Variants in RNF138 observed in about 807,000 individuals in gnomAD.
The protein encoded by RNF138 is E3 ubiquitin-protein ligase RNF138.
In RNF138, 12 loss-of-function variants were observed where a neutral mutation model predicts 31.0. The observed-to-expected ratio is 0.39, with a 90% confidence interval of 0.25 to 0.63. RNF138 has a LOEUF of 0.63. Ranked by LOEUF, RNF138 falls within the 20% of genes least tolerant of loss-of-function variation. The pLI is 0.52. For missense variants in RNF138, 192 were observed against 300.1 expected (o/e 0.64, Z 2.66); for synonymous variants, 105 against 99.5 (o/e 1.06, Z -0.33).
At chr18:32,103,651 G>C (rs2144579370) in intron 2 of RNF138, among the ~76,000 whole-genome samples, 1 of 152,110 alleles carries the variant, frequency 6.6e-6, no homozygotes, top group African/African-American at 2.4e-5. Context: ...TTTTAGACAA[G>C]AGTACATGTT....
chr18:32,124,475 GTTTT>G (rs997577685), intron 5 of RNF138: 2 of 337,398 alleles, frequency 5.9e-6, no homozygotes, highest in African/African-American at 4.1e-5. Context: ...AGTCAGCTAG[GTTTT>G]TGTTTTTGTT....
chr18:32,126,662 T>C, intron 6 of RNF138, 31 bp from the exon 7 acceptor site: 1 of 1,238,822 alleles, frequency 8.1e-7, no homozygotes. Context: ...GTTTTTATTA[T>C]TTTTTGTTTA....
At position 32,130,593 on chromosome 18, in the gene RNF138, G is replaced by A. The variant is rs2040458106; in HGVS notation, c.*1406G>A. 6.6e-6 allele frequency: 1 copy of A among 152,484 alleles called. No homozygotes were observed. Among genetic ancestry groups the A allele is most frequent in the African/African-American group, 2.4e-5 (1 of 41,546 alleles). The allele number at this position is 152,484 out of a possible 1,614,324, so 9.4% of individuals were successfully genotyped here. The stretch of plus-strand genomic sequence containing the variant: ...TAAAAGAAAGAGAATCTCAGAAGTA[G>A]TTTGCTGCTAATATATACATATATT... On this transcript the variant is annotated 3_prime_UTR_variant, in exon 8 of 8. Coordinates refer to ENST00000261593, the MANE Select transcript of RNF138 (RefSeq NM_016271.5).
chr18:32,121,482 C>T (rs774325915), intron 4 of RNF138, among the ~76,000 whole-genome samples: 9 of 151,992 alleles, frequency 5.9e-5, no homozygotes, highest in Non-Finnish European at 1.0e-4. Flanking sequence ...GCAATAAGAG[C>T]GAAACTCCAT....
rs368472041 is a variant in RNF138 at position 32,123,511 on chromosome 18, T to G, written c.393-7T>G. The G allele has an allele frequency of 1.5e-5, 23 of 1,569,444 alleles. No individual in the cohort carries two copies. In the African/African-American group the frequency reaches 1.9e-4, roughly 13 times the overall value. ...AGGTATTAACTTTTTCCCCTGTGCT[T>G]CTTAAGCAATAGGAGTGAAACATCC... On this transcript the variant is annotated splice_region_variant and splice_polypyrimidine_tract_variant and intron_variant, in intron 4 of 7. Transcript: ENST00000261593.
chr18:32,109,394 A>T (rs575094049), intron 2 of RNF138: 3 of 152,186 alleles, frequency 2.0e-5, no homozygotes, highest in African/African-American at 7.3e-5. Flanking sequence ...CAGCCTCTCA[A>T]AGTGCAGGAT....
chr18:32,124,434 T>G, intron 5 of RNF138: 1 of 230,626 alleles, frequency 4.3e-6, no homozygotes, highest in Non-Finnish European at 8.6e-6. Context: ...ACAACTACAA[T>G]TAAGTTTGGA....
intron 6 of RNF138, among the ~76,000 whole-genome samples, chr18:32,126,472 T>A (rs1480357113): frequency 6.6e-6 from 1 of 152,178 alleles, no homozygotes; most frequent in Non-Finnish European, 1.5e-5. Context: ...TAATAAGAGA[T>A]TTAAGGAATA....
In RNF138 at chr18:32,113,755, A is replaced by G. The variant is rs761132854; in HGVS notation, c.287A>G (p.Tyr96Cys). Residue 96 changes from tyrosine (Y) to cysteine (C), a missense_variant, in exon 4 of 8, where the codon TAT becomes TGT. Tyr to Cys is a radical substitution (Grantham distance 194). This residue lies in a region of RNF138 where 140 missense variants were observed against 251.7 expected (regional missense o/e 0.56). Transcript: ENST00000261593. Reference protein sequence around the residue: ...CRCCAKQIKFYRMRHHYKSCK... With the variant: ...CRCCAKQIKFCRMRHHYKSCK... ...TTTAATAATTTACAGATTAAATTCT[A>G]TCGCATGAGACATCATTACAAATCT... 5 of 1,395,704 alleles carry G rather than the reference A, an allele frequency of 3.6e-6. No homozygotes were observed. Among genetic ancestry groups the G allele is most frequent in the African/African-American group, 1.5e-5 (1 of 67,248 alleles). 86.5% of individuals were successfully genotyped at this position (1,395,704 alleles called of 1,614,324 possible).
In RNF138 at chr18:32,130,661, CT is replaced by C. The variant is rs1442980034; in HGVS notation, c.*1478del. On this transcript the variant is annotated 3_prime_UTR_variant, in exon 8 of 8. Transcript: ENST00000261593. Reference sequence around the variant, plus strand: ...TTGGTTTTGTTAAAACCCTTGTTGACTTTTCTACACTGAACATTTTTTTTAA... The same window carrying C: ...TTGGTTTTGTTAAAACCCTTGTTGACTTTCTACACTGAACATTTTTTTTAA... 6.6e-6 allele frequency: 1 copy of C among 152,300 alleles called. No homozygotes were observed. The highest frequency in any genetic ancestry group is 2.4e-5 in the African/African-American group (1 of 41,414). 9.4% of individuals were successfully genotyped at this position (152,300 alleles called of 1,614,324 possible).
At chr18:32,108,352 G>A (rs112958659) in intron 2 of RNF138, among the ~76,000 whole-genome samples, 2 of 151,964 alleles carry the variant, frequency 1.3e-5, no homozygotes, top group African/African-American at 4.8e-5. Context: ...CCTCCTTCAG[G>A]ATACCATTAT....
chr18:32,123,488 G>T (rs561159260), intron 4 of RNF138, 30 bp from the exon 5 acceptor site: 2 of 1,410,458 alleles, frequency 1.4e-6, no homozygotes, highest in South Asian at 1.3e-5. Context: ...TTACTTTGAG[G>T]TATTAACTTT....
intron 6 of RNF138, 50 bp from the exon 7 acceptor site, chr18:32,126,643 T>C (rs1446145452): frequency 9.0e-7 from 1 of 1,113,636 alleles, no homozygotes; most frequent in African/African-American, 1.6e-5. Flanking sequence ...AATTGTATAA[T>C]ATTTCATTGT....
In RNF138 at chr18:32,130,560, GA is replaced by G. The variant is rs1030471123; in HGVS notation, c.*1375del. 8.5e-5 allele frequency: 13 copies of G among 152,304 alleles called. No individual in the cohort carries two copies. The highest frequency in any genetic ancestry group is 3.1e-4 in the African/African-American group (13 of 41,416). The allele number at this position is 152,304 out of a possible 1,614,324, so 9.4% of individuals were successfully genotyped here. On this transcript the variant is annotated 3_prime_UTR_variant, in exon 8 of 8. Transcript: ENST00000261593. ...GTTTATGCTTTCTTTAAAATAACTA[GA>G]AGAACATAAAAGAAAGAGAATCTCA... is the stretch of plus-strand genomic sequence containing the variant.
At chr18:32,100,414 T>A (rs1385974772) in intron 2 of RNF138, among the ~76,000 whole-genome samples, 1 of 150,860 alleles carries the variant, frequency 6.6e-6, no homozygotes, top group Non-Finnish European at 1.5e-5. Context: ...AATCCCCCTT[T>A]AGCCTTCCCA....
intron 4 of RNF138, among the ~76,000 whole-genome samples, chr18:32,116,861 A>G (rs2144258965): frequency 6.6e-6 from 1 of 152,188 alleles, no homozygotes; most frequent in African/African-American, 2.4e-5. Flanking sequence ...CTGGGATCAC[A>G]GGTGTGAGCC....
rs1473676713 is a variant in RNF138 at position 32,092,768 on chromosome 18, TC to T, written c.-4del. ...CTGTCGCCATCGCCTTGTTTCCCCATCCCCCGCCATGGCCGAGGACCTCTCT... is the reference window on the plus strand; with the variant it reads ...CTGTCGCCATCGCCTTGTTTCCCCATCCCCGCCATGGCCGAGGACCTCTCT... On this transcript the variant is annotated 5_prime_UTR_variant, in exon 2 of 8. Transcript: ENST00000261593. 6.5e-6 allele frequency: 10 copies of T among 1,541,280 alleles called. No individual in the cohort carries two copies. Among genetic ancestry groups the T allele is most frequent in the South Asian group, 1.2e-5 (1 of 84,578 alleles).
chr18:32,092,853 A>G lies in RNF138; in HGVS notation c.77A>G (p.Lys26Arg), dbSNP rs757749867. 6.3e-7 allele frequency: 1 copy of G among 1,591,626 alleles called. No homozygotes were observed. Among genetic ancestry groups the G allele is most frequent in the Non-Finnish European group, 8.5e-7 (1 of 1,172,024 alleles). ...TGCCCCGTCTGTCAGGAGGTGCTCA[A>G]AACGCCCGTGCGGACCACGGCCTGT... is the stretch of plus-strand genomic sequence containing the variant. ...FYCPVCQEVL[K>R]TPVRTTACQH... The change falls in exon 2 of 8, where the codon AAA becomes AGA. Residue 26 changes from lysine to arginine, a missense_variant. Physicochemically the swap from Lys to Arg is conservative, Grantham distance 26 (BLOSUM62 2). This residue lies in a region of RNF138 where 52 missense variants were observed against 48.4 expected (regional missense o/e 1.07). Coordinates refer to ENST00000261593, the MANE Select transcript of RNF138 (RefSeq NM_016271.5).
chr18:32,099,084 G>T (rs754185133), intron 2 of RNF138, among the ~76,000 whole-genome samples: 77 of 152,200 alleles, frequency 5.1e-4, no homozygotes, highest in Admixed American at 1.2e-3. Context: ...CTTTTGTTGG[G>T]AGAATGCGTA....
Sources: allele counts gnomAD v4.1 joint callset (sites outside exome capture counted in the v4.1 genomes callset), GRCh38; gene constraint gnomAD v4.1.1; regional missense constraint gnomAD v4.1.1; transcripts MANE v1.5; gene names NCBI Gene and HGNC (gene_info 2026-07-23, HGNC 2026-07-21).